ERO1A: variants seen among roughly 807,000 people sequenced by gnomAD.
ERO1A encodes the protein ERO1-like protein alpha.
In ERO1A, 49 loss-of-function variants were observed where a neutral mutation model predicts 76.9. The ratio of observed to expected loss-of-function variants is 0.64; its 90% CI spans 0.51 to 0.81. The LOEUF (loss-of-function observed/expected upper bound fraction) is 0.81. Ranked by LOEUF, ERO1A falls within the 30% of genes least tolerant of loss-of-function variation. The probability of loss-of-function intolerance (pLI) is 0.00; values close to 1 mark genes in which losing one functional copy is unlikely to be tolerated. For synonymous variants in ERO1A, 174 were observed against 181.2 expected, an observed-to-expected ratio of 0.96 and a Z score of 0.32; for missense variants, 448 against 542.1, an observed-to-expected ratio of 0.83 and a Z score of 1.72.
At chr14:52,648,651 C>G (rs951471747) in intron 13 of ERO1A, among the ~76,000 whole-genome samples, 3 of 152,102 alleles carry the variant, frequency 2.0e-5, no homozygotes, top group African/African-American at 7.2e-5. Flanking sequence ...TGAGAAGAGG[C>G]CTTGAAAGTT....
intron 6 of ERO1A, among the ~76,000 whole-genome samples, 168 bp from the exon 7 acceptor site, chr14:52,666,663 C>G (rs1234919586): frequency 6.6e-6 from 1 of 152,144 alleles, no homozygotes; most frequent in Non-Finnish European, 1.5e-5. Flanking sequence ...GGGTGTGGTG[C>G]CTCACACCTG....
At chr14:52,694,898 C>T (rs1269476805) in intron 1 of ERO1A, among the ~76,000 whole-genome samples, 1 of 152,180 alleles carries the variant, frequency 6.6e-6, no homozygotes, top group Non-Finnish European at 1.5e-5. Context: ...AGCAGCCATT[C>T]TTCCGCCTAA....
intron 6 of ERO1A, among the ~76,000 whole-genome samples, chr14:52,669,573 G>A (rs1176349449): frequency 1.3e-5 from 2 of 152,112 alleles, no homozygotes; most frequent in African/African-American, 4.8e-5. Flanking sequence ...ATTTTACAAA[G>A]GTAATACAGT....
At chr14:52,652,689 C>G (rs1324520321) in intron 12 of ERO1A, among the ~76,000 whole-genome samples, 1 of 152,156 alleles carries the variant, frequency 6.6e-6, no homozygotes, top group East Asian at 1.9e-4. Context: ...TTTCCTTTCT[C>G]TAAATGAATA....
intron 4 of ERO1A, among the ~76,000 whole-genome samples, chr14:52,674,264 T>C (rs1160509029): frequency 2.0e-5 from 3 of 152,230 alleles, no homozygotes; most frequent in East Asian, 1.9e-4. Context: ...GACATAATCA[T>C]AGGTCACTGT....
chr14:52,645,823 G>A (rs970790423), intron 15 of ERO1A, among the ~76,000 whole-genome samples: 2 of 148,810 alleles, frequency 1.3e-5, no homozygotes, highest in Non-Finnish European at 3.0e-5. Flanking sequence ...GGCCAACATG[G>A]TGAAACCGTG....
chr14:52,661,293 C>T lies in ERO1A; in HGVS notation c.688G>A (p.Glu230Lys). 1 of 1,318,290 alleles carries T rather than the reference C, an allele frequency of 7.6e-7. No individual in the cohort carries two copies. The highest frequency in any genetic ancestry group is 1.7e-5 in the South Asian group (1 of 58,042). 81.7% of individuals were successfully genotyped at this position (1,318,290 alleles called of 1,614,324 possible). ...GTAATATATAATAAATTATACTTACCTTCACTTGTCCCTGAAAAGCAAAAC... is the reference window on the plus strand; with the variant it reads ...GTAATATATAATAAATTATACTTACTTTCACTTGTCCCTGAAAAGCAAAAC... Reference protein sequence around the residue: ...PLASGQGTSEENTFYSWLEGL... With the variant: ...PLASGQGTSEKNTFYSWLEGL... The change falls in exon 9 of 16, where the codon GAG (glutamate) becomes AAG (lysine). Residue 230 changes from glutamate (E) to lysine (K), a missense_variant and splice_region_variant. Coordinates refer to ENST00000395686, the MANE Select transcript of ERO1A (RefSeq NM_014584.3).
intron 1 of ERO1A, among the ~76,000 whole-genome samples, chr14:52,685,833 G>C (rs1362186139): frequency 2.0e-5 from 3 of 152,130 alleles, no homozygotes; most frequent in Admixed American, 6.5e-5. Context: ...AAGTATTACT[G>C]TACCTCACAG....
chr14:52,640,450 C>G lies in ERO1A; in HGVS notation c.*3120G>C, dbSNP rs927682294. On this transcript the variant is annotated 3_prime_UTR_variant, in exon 16 of 16. Transcript: ENST00000395686. ...CTGAAGAAGTGTAAGTCTGTTTCAC[C>G]AGAACATTCGGTGGAGGAAACACAT... is the stretch of plus-strand genomic sequence containing the variant. 1.4e-4 allele frequency: 21 copies of G among 152,334 alleles called. No homozygotes were observed. The highest frequency in any genetic ancestry group is 4.8e-4 in the African/African-American group (20 of 41,564). The allele number at this position is 152,334 out of a possible 1,614,324, so 9.4% of individuals were successfully genotyped here.
intron 11 of ERO1A, among the ~76,000 whole-genome samples, chr14:52,655,380 C>A (rs1462090230): frequency 6.6e-6 from 1 of 151,896 alleles, no homozygotes. Flanking sequence ...AAAAAAAATT[C>A]TTACACAAAG....
chr14:52,640,980 T>C lies in ERO1A; in HGVS notation c.*2590A>G, dbSNP rs1295836222. On this transcript the variant is annotated 3_prime_UTR_variant, in exon 16 of 16. Coordinates refer to ENST00000395686, the MANE Select transcript of ERO1A (RefSeq NM_014584.3). ...TACCCAAGCGTGAGAAGTGGTGTTG[T>C]GATTAAGAGAGAAAAAAAAAATGGA... 6.6e-6 allele frequency: 1 copy of C among 151,514 alleles called. No homozygotes were observed. Among genetic ancestry groups the C allele is most frequent in the East Asian group, 1.9e-4 (1 of 5,156 alleles). 9.4% of individuals were successfully genotyped at this position (151,514 alleles called of 1,614,324 possible).
At chr14:52,682,236 CAAAAAAAA>C (rs1010102513) in intron 3 of ERO1A, 81 bp downstream of exon 3, 1 of 1,057,796 alleles carries the variant, frequency 9.5e-7, no homozygotes, top group Admixed American at 2.3e-5. Context: ...TCTATTTTTT[CAAAAAAAA>C]ATTCTTAAAT....
Position 52,652,284 on chromosome 14 carries a change from C to A in ERO1A, c.1080G>T (p.Glu360Asp). 6.2e-7 allele frequency: 1 copy of A among 1,610,770 alleles called. No homozygotes were observed. Among genetic ancestry groups the A allele is most frequent in the Non-Finnish European group, 8.5e-7 (1 of 1,177,232 alleles). The change falls in exon 13 of 16, where the codon GAG becomes GAT. Residue 360 changes from glutamate (E) to aspartate (D), a missense_variant. Around this residue, in one of 2 missense-constraint regions of ERO1A, gnomAD observed 302 missense variants for 411.9 expected, o/e 0.73. Transcript: ENST00000395686. ...EIKSFPLHFD[E>D]NSFFAGDKKE... is the part of the protein sequence containing the mutation. ...TTTTATCCCCAGCAAAAAATGAATT[C>A]TCATCAAAATGCAAAGGAAATGACC...
intron 6 of ERO1A, among the ~76,000 whole-genome samples, chr14:52,666,729 G>C (rs972086471): frequency 6.6e-6 from 1 of 152,134 alleles, no homozygotes; most frequent in African/African-American, 2.4e-5. Context: ...TCAGGAGTTC[G>C]AATCCAGCCT....
intron 1 of ERO1A, among the ~76,000 whole-genome samples, chr14:52,688,963 C>CT (rs58682058): frequency 1.3e-5 from 2 of 151,556 alleles, no homozygotes; most frequent in African/African-American, 4.8e-5. Flanking sequence ...TCCTCATATA[C>CT]TTTTTTTTTG....
rs1036207660 is a variant in ERO1A, at chr14:52,652,366, C to T, written c.1056-58G>A. 18 of 1,167,656 alleles carry T rather than the reference C, an allele frequency of 1.5e-5. No homozygotes were observed. The Admixed American group carries it at 2.3e-4, about 15-fold the overall frequency. The allele number at this position is 1,167,656 out of a possible 1,614,324, so 72.3% of individuals were successfully genotyped here. A position where few individuals can be genotyped will look rare whatever the true frequency, so the allele number is the denominator to read the frequency against. On this transcript the variant is annotated intron_variant, in intron 12 of 15. Coordinates refer to ENST00000395686, the MANE Select transcript of ERO1A (RefSeq NM_014584.3). ...TGTGTTATAAATATTAAAAGTCCTG[C>T]TAATACAACATTTTACTGGTCATGA...
chr14:52,695,329 G>A (rs1306421945), intron 1 of ERO1A, 39 bp downstream of exon 1: 13 of 1,325,664 alleles, frequency 9.8e-6, no homozygotes, highest in Non-Finnish European at 1.3e-5. Flanking sequence ...CGCCGCGGAG[G>A]GCGCCGGGAC....
rs747829852 is a variant in ERO1A, at chr14:52,643,597, G to A, written c.1380C>T (p.Phe460=). 3.4e-6 allele frequency: 5 copies of A among 1,481,058 alleles called. No individual in the cohort carries two copies. The highest frequency in any genetic ancestry group is 5.7e-5 in the Admixed American group (2 of 34,956). The allele number at this position is 1,481,058 out of a possible 1,614,324, so 91.7% of individuals were successfully genotyped here. Residue 460 remains phenylalanine (F), a synonymous_variant, in exon 16 of 16, where the codon TTC becomes TTT. Coordinates refer to ENST00000395686, the MANE Select transcript of ERO1A (RefSeq NM_014584.3). ...ISTSVKELEN[F]RNLLQNIH ...AATGAATATTCTGTAACAAGTTCCT[G>A]AAGTTTTCTAATTCTTTCACACTTG...
chr14:52,670,945 G>A (rs1489352582), intron 6 of ERO1A, among the ~76,000 whole-genome samples: 1 of 152,112 alleles, frequency 6.6e-6, no homozygotes, highest in Non-Finnish European at 1.5e-5. Flanking sequence ...ACCACTATCT[G>A]TTGCCAGAAC....
Sources: gnomAD v4.1 joint callset for allele counts (sites outside exome capture counted in the v4.1 genomes callset) on GRCh38, gnomAD v4.1.1 for gene constraint, gnomAD v4.1.1 regional missense constraint, MANE v1.5 for transcripts, NCBI Gene and HGNC (gene_info 2026-07-23, HGNC 2026-07-21) for gene names.